Variants in TAF10 observed in about 807,000 individuals in gnomAD.
TAF10 encodes TATA-box binding protein associated factor 10.
A neutral mutation model predicts 18.1 loss-of-function variants in TAF10; 2 were observed. That is an observed-to-expected ratio of 0.11 (90% confidence interval 0.05 to 0.35). TAF10 has a LOEUF of 0.35. Among genes scored for constraint, TAF10 ranks in the 10% least tolerant of loss-of-function variants. The pLI is 1.00. For synonymous variants in TAF10, 158 were observed against 134.6 expected (o/e 1.17, Z -1.20); for missense variants, 293 against 306.9 (o/e 0.95, Z 0.34).
In TAF10 at chr11:6,607,515, A is replaced by G. The variant is rs527296821; in HGVS notation, c.*3407T>C. The G allele has an allele frequency of 6.1e-6, 1 of 163,130 alleles. No homozygotes were observed. Among genetic ancestry groups the G allele is most frequent in the South Asian group, 1.6e-4 (1 of 6,430 alleles). 10.1% of individuals were successfully genotyped at this position (163,130 alleles called of 1,614,324 possible). A position where few individuals can be genotyped will look rare whatever the true frequency, so the allele number is the denominator to read the frequency against. On this transcript the variant is annotated 3_prime_UTR_variant, in exon 5 of 5. Coordinates refer to ENST00000299424, the MANE Select transcript of TAF10 (RefSeq NM_006284.4). Reference sequence around the variant, plus strand: ...AGATGTTAGTTTCAGTACCAGAGCCAAATAGTAAGTTTGTTCCCTCTTCTA... The same window carrying G: ...AGATGTTAGTTTCAGTACCAGAGCCGAATAGTAAGTTTGTTCCCTCTTCTA...
chr11:6,607,063 TC>T lies in TAF10; in HGVS notation c.*3858del, dbSNP rs1466321012. Reference sequence around the variant, plus strand: ...GGCATCTGGATGGCCAGACCCCTGATCAGCTCCAGGCCTTGCCTAGAGTCGC... The same window carrying T: ...GGCATCTGGATGGCCAGACCCCTGATAGCTCCAGGCCTTGCCTAGAGTCGC... On this transcript the variant is annotated 3_prime_UTR_variant, in exon 5 of 5. Transcript: ENST00000299424. The T allele has an allele frequency of 6.6e-6, 1 of 152,312 alleles. No homozygotes were observed. Among genetic ancestry groups the T allele is most frequent in the East Asian group, 1.9e-4 (1 of 5,198 alleles). The allele number at this position is 152,312 out of a possible 1,614,324, so 9.4% of individuals were successfully genotyped here.
Position 6,611,824 on chromosome 11 carries a change from G to A in TAF10, c.233-6C>T, listed in dbSNP as rs750600414. ...GCCACCCGCCGACACCGGAGCTGGA[G>A]GAGAACCAGCAAAATGAGACACAGA... On this transcript the variant is annotated splice_polypyrimidine_tract_variant and splice_region_variant and intron_variant, in intron 1 of 4. Transcript: ENST00000299424. 8 of 1,604,538 alleles carry A rather than the reference G, an allele frequency of 5.0e-6. No individual in the cohort carries two copies. The East Asian group carries it at 6.7e-5, about 14-fold the overall frequency.
In TAF10 at chr11:6,607,707, T is replaced by C. The variant is rs548965062; in HGVS notation, c.*3215A>G. ...ACAAGTGCTGAAGTAGGGGGACATA[T>C]AAGATGTGGTGGAAAACAGAAAGGA... On this transcript the variant is annotated 3_prime_UTR_variant, in exon 5 of 5. Coordinates refer to ENST00000299424, the MANE Select transcript of TAF10 (RefSeq NM_006284.4). 11 of 362,272 alleles carry C rather than the reference T, an allele frequency of 3.0e-5. No individual in the cohort carries two copies. Among genetic ancestry groups the C allele is most frequent in the East Asian group, 2.7e-4 (4 of 14,896 alleles). 22.4% of individuals were successfully genotyped at this position (362,272 alleles called of 1,614,324 possible). A position where few individuals can be genotyped will look rare whatever the true frequency, so the allele number is the denominator to read the frequency against.
In TAF10 at chr11:6,608,780, G is replaced by A. The variant is rs763749054; in HGVS notation, c.*2142C>T. On this transcript the variant is annotated 3_prime_UTR_variant, in exon 5 of 5. Coordinates refer to ENST00000299424, the MANE Select transcript of TAF10 (RefSeq NM_006284.4). This position sits in a 1 kb window ranked among gnomAD's most constrained non-coding sequence, Gnocchi z 4.9. ...ACAAAGCCAAGGCACCCCTGAGAGA[G>A]CTTCTCCGAGGTCCATCTCCCCATC... 1 of 1,613,878 alleles carries A rather than the reference G, an allele frequency of 6.2e-7. No individual in the cohort carries two copies. The highest frequency in any genetic ancestry group is 1.1e-5 in the South Asian group (1 of 91,088).
rs370417912 is a variant in TAF10, at chr11:6,608,005, A to G, written c.*2917T>C. On this transcript the variant is annotated 3_prime_UTR_variant, in exon 5 of 5. Coordinates refer to ENST00000299424, the MANE Select transcript of TAF10 (RefSeq NM_006284.4). The surrounding 1 kb of genome is among the most constrained non-coding windows in gnomAD (Gnocchi z 4.9). Reference sequence around the variant, plus strand: ...TTTCAGGAATCAAAACCTTTGCCCCATCCCACCTCCAGCTCAATGACCATT... The same window carrying G: ...TTTCAGGAATCAAAACCTTTGCCCCGTCCCACCTCCAGCTCAATGACCATT... 33 of 1,609,474 alleles carry G rather than the reference A, an allele frequency of 2.1e-5. No individual in the cohort carries two copies. In the African/African-American group the frequency reaches 3.2e-4, roughly 16 times the overall value.
rs1450934814 is a variant in TAF10 at position 6,607,242 on chromosome 11, A to ATTGTT, written c.*3675_*3679dup. On this transcript the variant is annotated 3_prime_UTR_variant, in exon 5 of 5. Transcript: ENST00000299424. ...GTCAGGCAGGCCCAGCTCCAAACCA[A>ATTGTT]TTGTTTTGTTTTGTTTGTATACTTT... The ATTGTT allele has an allele frequency of 1.3e-5, 2 of 152,220 alleles. No individual in the cohort carries two copies. The highest frequency in any genetic ancestry group is 3.4e-3 in the Middle Eastern group (1 of 294). 9.4% of individuals were successfully genotyped at this position (152,220 alleles called of 1,614,324 possible).
In TAF10 at chr11:6,610,181, G is replaced by A. The variant is rs370480843; in HGVS notation, c.*741C>T. On this transcript the variant is annotated 3_prime_UTR_variant, in exon 5 of 5. Transcript: ENST00000299424. ...AAGAAGCCTGAAGACACAAACAGAC[G>A]CTCAGCAGACATGTGGAGTTTTGCA... 7 of 1,614,082 alleles carry A rather than the reference G, an allele frequency of 4.3e-6. No homozygotes were observed. The highest frequency in any genetic ancestry group is 2.2e-5 in the East Asian group (1 of 44,898).
At position 6,610,199 on chromosome 11, in the gene TAF10, G is replaced by C; in HGVS notation, c.*723C>G. ...AACAGACGCTCAGCAGACATGTGGA[G>C]TTTTGCAGTGCTTCTGTGGGAACTG... is the stretch of plus-strand genomic sequence containing the variant. On this transcript the variant is annotated 3_prime_UTR_variant, in exon 5 of 5. Transcript: ENST00000299424. The C allele has an allele frequency of 6.2e-7, 1 of 1,614,228 alleles. No individual in the cohort carries two copies. Among genetic ancestry groups the C allele is most frequent in the Non-Finnish European group, 8.5e-7 (1 of 1,180,036 alleles).
chr11:6,609,242 G>C lies in TAF10; in HGVS notation c.*1680C>G, dbSNP rs1855255412. 1 of 1,603,170 alleles carries C rather than the reference G, an allele frequency of 6.2e-7. No individual in the cohort carries two copies. The highest frequency in any genetic ancestry group is 1.1e-5 in the South Asian group (1 of 90,836). ...CTGTTTTAAGTTTTTCCTCCAGTTA[G>C]TGGGCAAGGAAGTGGCAGCAACATT... On this transcript the variant is annotated 3_prime_UTR_variant, in exon 5 of 5. Coordinates refer to ENST00000299424, the MANE Select transcript of TAF10 (RefSeq NM_006284.4).
In TAF10 at chr11:6,608,125, G is replaced by C. The variant is rs778110752; in HGVS notation, c.*2797C>G. The C allele has an allele frequency of 6.8e-6, 11 of 1,614,000 alleles. No homozygotes were observed. The South Asian group carries it at 1.2e-4, about 18-fold the overall frequency. ...TGTGGTTGAGATGTTGATCATGCGGGGGGCACGGATCAATGTAATGAACCG... is the reference window on the plus strand; with the variant it reads ...TGTGGTTGAGATGTTGATCATGCGGCGGGCACGGATCAATGTAATGAACCG... On this transcript the variant is annotated 3_prime_UTR_variant, in exon 5 of 5. Transcript: ENST00000299424. The surrounding 1 kb of genome is among the most constrained non-coding windows in gnomAD (Gnocchi z 4.9).
In TAF10 at chr11:6,611,222, G is replaced by A; in HGVS notation, c.534C>T (p.Gly178=). 6.2e-7 allele frequency: 1 copy of A among 1,614,092 alleles called. No homozygotes were observed. Among genetic ancestry groups the A allele is most frequent in the Non-Finnish European group, 8.5e-7 (1 of 1,180,010 alleles). ...TGCTCCGGGAGCTGCCGGAGGCCGT[G>A]CCCTTCATTTTGCAGTGCTGTAGGG... is the stretch of plus-strand genomic sequence containing the variant. ...NDALQHCKMK[G]TASGSSRSKS... Residue 178 remains glycine (G), a synonymous_variant, in exon 4 of 5, where the codon GGC becomes GGT. Transcript: ENST00000299424.
Position 6,608,199 on chromosome 11 carries a change from T to C in TAF10, c.*2723A>G, listed in dbSNP as rs756301182. 1 of 1,614,206 alleles carries C rather than the reference T, an allele frequency of 6.2e-7. No homozygotes were observed. Among genetic ancestry groups the C allele is most frequent in the Non-Finnish European group, 8.5e-7 (1 of 1,180,024 alleles). ...TGGCAGCCAGTCATGGACACCGTGA[T>C]ATTGTACAGAAGGTACGTACAAACT... On this transcript the variant is annotated 3_prime_UTR_variant, in exon 5 of 5. Coordinates refer to ENST00000299424, the MANE Select transcript of TAF10 (RefSeq NM_006284.4). This position sits in a 1 kb window ranked among gnomAD's most constrained non-coding sequence, Gnocchi z 4.9.
rs1855484458 is a variant in TAF10, at chr11:6,612,168, C to A, written c.22G>T (p.Ala8Ser). The A allele has an allele frequency of 8.4e-7, 1 of 1,190,630 alleles. No individual in the cohort carries two copies. The highest frequency in any genetic ancestry group is 3.3e-5 in the South Asian group (1 of 29,870). 73.8% of individuals were successfully genotyped at this position (1,190,630 alleles called of 1,614,324 possible). MSCSGSG[A>S]DPEAAPASAA... is the part of the protein sequence containing the mutation. The stretch of plus-strand genomic sequence containing the variant: ...GAGGCCGGCGCCGCCTCGGGGTCCG[C>A]GCCGGAGCCGCTGCAGCTCATCGGG... Residue 8 changes from alanine (A) to serine (S), a missense_variant, in exon 1 of 5, where the codon GCG becomes TCG. By Grantham distance (99) the Ala-to-Ser change is moderately conservative. Coordinates refer to ENST00000299424, the MANE Select transcript of TAF10 (RefSeq NM_006284.4).
At position 6,608,590 on chromosome 11, in the gene TAF10, G is replaced by A. The variant is rs915694553; in HGVS notation, c.*2332C>T. On this transcript the variant is annotated 3_prime_UTR_variant, in exon 5 of 5. Coordinates refer to ENST00000299424, the MANE Select transcript of TAF10 (RefSeq NM_006284.4). This position sits in a 1 kb window ranked among gnomAD's most constrained non-coding sequence, Gnocchi z 4.9. Reference sequence around the variant, plus strand: ...CAACCCATTCTGTCAGTACTACTGTGTGACACTTACAGGATTAAGTTCTAC... The same window carrying A: ...CAACCCATTCTGTCAGTACTACTGTATGACACTTACAGGATTAAGTTCTAC... 27 of 1,336,292 alleles carry A rather than the reference G, an allele frequency of 2.0e-5. No homozygotes were observed. Among genetic ancestry groups the A allele is most frequent in the Non-Finnish European group, 2.5e-5 (23 of 926,890 alleles). 82.8% of individuals were successfully genotyped at this position (1,336,292 alleles called of 1,614,324 possible). A position where few individuals can be genotyped will look rare whatever the true frequency, so the allele number is the denominator to read the frequency against.
rs777155173 is a variant in TAF10, at chr11:6,609,083, T to C, written c.*1839A>G. ...CCCACACTCTTAGGAAATGGAACCCTGAACAAACACTCTGGCATTGACTTC... is the reference window on the plus strand; with the variant it reads ...CCCACACTCTTAGGAAATGGAACCCCGAACAAACACTCTGGCATTGACTTC... On this transcript the variant is annotated 3_prime_UTR_variant, in exon 5 of 5. Transcript: ENST00000299424. 3.7e-6 allele frequency: 6 copies of C among 1,614,164 alleles called. No individual in the cohort carries two copies. In the South Asian group the frequency reaches 6.6e-5, roughly 18 times the overall value.
In TAF10 at chr11:6,606,542, G is replaced by C. The variant is rs1854924723; in HGVS notation, c.*4380C>G. 6.6e-6 allele frequency: 1 copy of C among 150,424 alleles called. No individual in the cohort carries two copies. The highest frequency in any genetic ancestry group is 6.6e-5 in the Admixed American group (1 of 15,078). 9.3% of individuals were successfully genotyped at this position (150,424 alleles called of 1,614,324 possible). On this transcript the variant is annotated 3_prime_UTR_variant, in exon 5 of 5. Transcript: ENST00000299424. ...AAATAGAGGCTTAGGCAGTTGCCCAGTGGGCCTAGCATCTAGGAAGACTCT... is the reference window on the plus strand; with the variant it reads ...AAATAGAGGCTTAGGCAGTTGCCCACTGGGCCTAGCATCTAGGAAGACTCT...
Position 6,608,287 on chromosome 11 carries a change from A to G in TAF10, c.*2635T>C. On this transcript the variant is annotated 3_prime_UTR_variant, in exon 5 of 5. Transcript: ENST00000299424. The surrounding 1 kb of genome is among the most constrained non-coding windows in gnomAD (Gnocchi z 4.9). ...AGTCACAGGCACTGTAACATACAGT[A>G]GAAAGCATGTGTGCTCTTCCCCCTT... 6.3e-7 allele frequency: 1 copy of G among 1,575,822 alleles called. No homozygotes were observed. Among genetic ancestry groups the G allele is most frequent in the Non-Finnish European group, 8.7e-7 (1 of 1,145,190 alleles).
In TAF10 at chr11:6,610,056, G is replaced by A. The variant is rs369760699; in HGVS notation, c.*866C>T. The A allele has an allele frequency of 3.8e-5, 62 of 1,613,946 alleles. No homozygotes were observed. The East Asian group carries it at 7.1e-4, about 19-fold the overall frequency. On this transcript the variant is annotated 3_prime_UTR_variant, in exon 5 of 5. Coordinates refer to ENST00000299424, the MANE Select transcript of TAF10 (RefSeq NM_006284.4). ...CGAAGGTGAGTGAAGTCATCATGTC[G>A]GGAGGTAAAAAAGGACCACCTCAGA...
At position 6,611,738 on chromosome 11, in the gene TAF10, C is replaced by T; in HGVS notation, c.313G>A (p.Gly105Arg). The T allele has an allele frequency of 6.2e-7, 1 of 1,611,984 alleles. No individual in the cohort carries two copies. Among genetic ancestry groups the T allele is most frequent in the Non-Finnish European group, 8.5e-7 (1 of 1,178,918 alleles). The change falls in exon 2 of 5, where the codon GGA becomes AGA. Residue 105 changes from glycine (G) to arginine (R), a missense_variant. Transcript: ENST00000299424. The stretch of plus-strand genomic sequence containing the variant: ...CTGGACACCACGGGCTTCACGTCTC[C>T]GTTGGCCGCGCTCGGCAGTACGTAA... ...GVYVLPSAANGDVKPVVSSTP... is the reference protein window; with the variant it reads ...GVYVLPSAANRDVKPVVSSTP...
Sources: allele counts gnomAD v4.1 joint callset, GRCh38; gene constraint gnomAD v4.1.1; non-coding constraint Gnocchi (gnomAD v3.1); transcripts MANE v1.5; gene names NCBI Gene and HGNC (gene_info 2026-07-23, HGNC 2026-07-21).